The following CMIP variants were observed in gnomAD, a reference collection of about 807,000 sequenced individuals.
CMIP encodes the protein C-Maf-inducing protein.
In CMIP, 13 loss-of-function variants were observed where a neutral mutation model predicts 97.3. The ratio of observed to expected loss-of-function variants is 0.13; its 90% CI spans 0.09 to 0.21. The LOEUF (loss-of-function observed/expected upper bound fraction) is 0.21, where lower values mean the gene tolerates loss of function less well. CMIP is among the 10% of genes least tolerant of loss of function. CMIP has a pLI of 1.00. For synonymous variants in CMIP, 538 were observed against 436.3 expected (o/e 1.23, Z -2.91); for missense variants, 847 against 1,024.9 (o/e 0.83, Z 2.37).
At chr16:81,693,379 C>T (rs1473658718) in intron 12 of CMIP, 60 bp from the exon 13 acceptor site, 3 of 1,581,722 alleles carry the variant, frequency 1.9e-6, no homozygotes, top group African/African-American at 1.3e-5. Context: ...CCTCCCCTTC[C>T]CACACCTCCC....
chr16:81,569,097 T>C (rs568109939), intron 1 of CMIP, among the ~76,000 whole-genome samples: 3 of 152,212 alleles, frequency 2.0e-5, no homozygotes, highest in Non-Finnish European at 4.4e-5. Context: ...GTAGCACCCT[T>C]ATGAATGCTT....
chr16:81,645,336 T>G, intron 3 of CMIP: 1 of 1,379,172 alleles, frequency 7.3e-7, no homozygotes, highest in Non-Finnish European at 9.5e-7. Flanking sequence ...CGACAGGTGG[T>G]GGGGAGCATG....
intron 1 of CMIP, among the ~76,000 whole-genome samples, chr16:81,514,034 AC>A (rs1270983065): frequency 7.8e-6 from 1 of 127,402 alleles, no homozygotes; most frequent in African/African-American, 3.4e-5. Flanking sequence ...AAGAAAAACA[AC>A]AAAAACAAAA....
rs1226071553 is a variant in CMIP at position 81,476,019 on chromosome 16, A to G, written c.300+30478A>G. 7 of 657,784 alleles carry G rather than the reference A, an allele frequency of 1.1e-5. No individual in the cohort carries two copies. The East Asian group carries it at 1.5e-4, about 14-fold the overall frequency. The allele number at this position is 657,784 out of a possible 1,614,324, so 40.7% of individuals were successfully genotyped here. A position where few individuals can be genotyped will look rare whatever the true frequency, so the allele number is the denominator to read the frequency against. On this transcript the variant is annotated intron_variant, in intron 1 of 20. Coordinates refer to ENST00000537098, the MANE Select transcript of CMIP (RefSeq NM_198390.3). ...AAAAAAAAAGATAAAACATAAGTCA[A>G]ACTTTATTCAAGTTGTCCACAGTTA...
rs145592851 is a variant in CMIP at position 81,563,959 on chromosome 16, A to G, written c.301-43608A>G. On this transcript the variant is annotated intron_variant, in intron 1 of 20. Transcript: ENST00000537098. ...CAGCTGGTGCCTGGGTCTGGCTTTCAGGGCCCGTCTTCCTGGGCTAGAAAG... is the reference window on the plus strand; with the variant it reads ...CAGCTGGTGCCTGGGTCTGGCTTTCGGGGCCCGTCTTCCTGGGCTAGAAAG... 3.9e-3 allele frequency among the ~76,000 whole-genome samples: 601 copies of G among 152,348 alleles called. 3 individuals carry two copies. Among genetic ancestry groups the G allele is most frequent in the Admixed American group, 9.6e-3 (147 of 15,306 alleles).
At chr16:81,676,634 C>A (rs753075253) in intron 9 of CMIP, among the ~76,000 whole-genome samples, 4 of 152,178 alleles carry the variant, frequency 2.6e-5, no homozygotes, top group Admixed American at 6.5e-5. Context: ...CGGACTTTAG[C>A]CGATGGATTG....
At position 81,544,930 on chromosome 16, in the gene CMIP, TC is replaced by T. The variant is rs372048826; in HGVS notation, c.301-62636del. On this transcript the variant is annotated intron_variant, in intron 1 of 20. Transcript: ENST00000537098. ...TGTCCACAGGACAAAGTTCAACCCCTCATTTTTTTGGCAGAGAAGGCTGCCA... is the reference window on the plus strand; with the variant it reads ...TGTCCACAGGACAAAGTTCAACCCCTATTTTTTTGGCAGAGAAGGCTGCCA... Among the ~76,000 whole-genome samples the T allele has an allele frequency of 4.1e-3, 628 of 152,268 alleles. 8 individuals carry two copies. Among genetic ancestry groups the T allele is most frequent in the East Asian group, 0.014 (70 of 5,180 alleles).
chr16:81,590,206 C>T (rs541797579), intron 1 of CMIP, among the ~76,000 whole-genome samples: 1 of 152,194 alleles, frequency 6.6e-6, no homozygotes, highest in Non-Finnish European at 1.5e-5. Flanking sequence ...CTCTGCTCGT[C>T]GGACAAAAAC....
chr16:81,515,699 C>T (rs1261061835), intron 1 of CMIP, among the ~76,000 whole-genome samples: 18 of 152,184 alleles, frequency 1.2e-4, no homozygotes, highest in Admixed American at 1.2e-3. Context: ...GTAGCTGTGC[C>T]AGTCTGGGCC....
At chr16:81,622,904 A>T (rs184386613) in intron 3 of CMIP, among the ~76,000 whole-genome samples, 82 of 152,354 alleles carry the variant, frequency 5.4e-4, no homozygotes, top group Admixed American at 1.4e-3. Flanking sequence ...GCCTTGAAAC[A>T]TTCAAATGTC....
At chr16:81,509,964 C>T (rs1256283725) in intron 1 of CMIP, among the ~76,000 whole-genome samples, 1 of 152,168 alleles carries the variant, frequency 6.6e-6, no homozygotes, top group African/African-American at 2.4e-5. Context: ...AAGTCCTGCC[C>T]CAAAGGAAGT....
At chr16:81,668,859 T>TCCACACCCACCTCACACTG (rs2092641426) in intron 7 of CMIP, among the ~76,000 whole-genome samples, 1 of 130,706 alleles carries the variant, frequency 7.7e-6, no homozygotes, top group Non-Finnish European at 1.6e-5. Flanking sequence ...CTCACTGCCT[T>TCCACACCCACCTCACACTG]CCACACCCAC....
intron 3 of CMIP, among the ~76,000 whole-genome samples, chr16:81,636,087 G>A (rs1346741032): frequency 2.0e-5 from 3 of 148,878 alleles, no homozygotes; most frequent in Non-Finnish European, 4.4e-5. Flanking sequence ...TTGTGTGTGT[G>A]AGTGTGTGTG....
At chr16:81,515,608 T>C (rs2089897521) in intron 1 of CMIP, among the ~76,000 whole-genome samples, 1 of 152,112 alleles carries the variant, frequency 6.6e-6, no homozygotes, top group South Asian at 2.1e-4. Flanking sequence ...CTGGAGGGGC[T>C]CTCAAATGAA....
chr16:81,629,742 G>T (rs1567620600), intron 3 of CMIP, among the ~76,000 whole-genome samples: 2 of 152,232 alleles, frequency 1.3e-5, no homozygotes, highest in Non-Finnish European at 2.9e-5. Context: ...ACATCCCAGT[G>T]CCGTGCCACA....
intron 7 of CMIP, chr16:81,664,772 C>T: frequency 2.9e-6 from 1 of 350,668 alleles, no homozygotes; most frequent in Non-Finnish European, 5.1e-6. Flanking sequence ...ACCAGACACA[C>T]TCAGCCTCAG....
At chr16:81,505,233 T>C (rs568294744) in intron 1 of CMIP, among the ~76,000 whole-genome samples, 6 of 152,234 alleles carry the variant, frequency 3.9e-5, no homozygotes, top group African/African-American at 1.4e-4. Context: ...CCAGCACAAG[T>C]CACGTAGCCA....
chr16:81,595,540 C>A (rs2091541294), intron 1 of CMIP, among the ~76,000 whole-genome samples: 1 of 152,070 alleles, frequency 6.6e-6, no homozygotes, highest in Non-Finnish European at 1.5e-5. Context: ...AGGTGGATGC[C>A]ACCATGCCTG....
At chr16:81,454,154 C>T (rs1279555575) in intron 1 of CMIP, among the ~76,000 whole-genome samples, 1 of 152,182 alleles carries the variant, frequency 6.6e-6, no homozygotes, top group Non-Finnish European at 1.5e-5. Context: ...GTAGGGTGAG[C>T]AAATCCGTTG....
Sources: allele counts gnomAD v4.1 joint callset (sites outside exome capture counted in the v4.1 genomes callset), GRCh38; gene constraint gnomAD v4.1.1; transcripts MANE v1.5; gene names NCBI Gene and HGNC (gene_info 2026-07-23, HGNC 2026-07-21).